Variants in STK32B observed in about 807,000 individuals in gnomAD.
STK32B encodes serine/threonine-protein kinase 32B.
STK32B carries 43 observed loss-of-function variants against 52.6 expected under a neutral mutation model. The observed-to-expected ratio is 0.82, with a 90% CI of 0.64 to 1.05. STK32B has a LOEUF of 1.05. Ranked by LOEUF, STK32B falls within the 50% of genes least tolerant of loss-of-function variation. STK32B has a pLI of 0.00. For synonymous variants in STK32B, 238 were observed against 204.3 expected, an observed-to-expected ratio of 1.17 and a Z score of -1.41; for missense variants, 621 against 534.6, an observed-to-expected ratio of 1.16 and a Z score of -1.59.
At chr4:5,220,026 C>A (rs567941532) in intron 3 of STK32B, among the ~76,000 whole-genome samples, 9 of 152,040 alleles carry the variant, frequency 5.9e-5, no homozygotes, top group African/African-American at 1.9e-4. Context: ...GCTGTGGGCA[C>A]GTTCAATTTT....
chr4:5,341,547 T>C (rs1314816977), intron 4 of STK32B, among the ~76,000 whole-genome samples: 1 of 152,254 alleles, frequency 6.6e-6, no homozygotes, highest in African/African-American at 2.4e-5. Context: ...TCCTAATTGA[T>C]AATGATTTCG....
chr4:5,092,548 A>AAG (rs1001305370), intron 1 of STK32B, among the ~76,000 whole-genome samples: 18 of 152,018 alleles, frequency 1.2e-4, no homozygotes, highest in African/African-American at 4.4e-4. Context: ...AAAAAAAAAA[A>AAG]AAGAAGAAGA....
rs148390494 is a variant in STK32B at position 5,352,332 on chromosome 4, A to G, written c.434+20939A>G. ...TTTAGTACATCACATCAACAAAATT[A>G]AGGAGGAAAAACAAATGATCATCTA... On this transcript the variant is annotated intron_variant, in intron 4 of 11. Coordinates refer to ENST00000282908, the MANE Select transcript of STK32B (RefSeq NM_018401.3). 7.0e-3 allele frequency among the ~76,000 whole-genome samples: 1,069 copies of G among 152,246 alleles called. 8 individuals carry two copies. Among genetic ancestry groups the G allele is most frequent in the African/African-American group, 0.025 (1,020 of 41,552 alleles).
At chr4:5,393,871 T>A (rs530211752) in intron 4 of STK32B, among the ~76,000 whole-genome samples, 2 of 152,192 alleles carry the variant, frequency 1.3e-5, no homozygotes, top group Non-Finnish European at 1.5e-5. Flanking sequence ...GGATCTCAAG[T>A]CTCTCTTCTC....
At chr4:5,433,626 A>G (rs1054437949) in intron 6 of STK32B, among the ~76,000 whole-genome samples, 2 of 152,174 alleles carry the variant, frequency 1.3e-5, no homozygotes, top group African/African-American at 4.8e-5. Context: ...CTAGGCCAAA[A>G]TTTAGTAATT....
intron 5 of STK32B, among the ~76,000 whole-genome samples, chr4:5,412,352 C>A (rs141272995): frequency 5.8e-4 from 89 of 152,354 alleles, no homozygotes; most frequent in African/African-American, 2.1e-3. Flanking sequence ...CCTACATCTT[C>A]GGTTGCCCAT....
intron 5 of STK32B, 111 bp from the exon 6 acceptor site, chr4:5,416,734 A>C: frequency 1.3e-6 from 1 of 766,078 alleles, no homozygotes. Flanking sequence ...AGTATTATAA[A>C]TAGAAGTTCT....
At chr4:5,343,413 G>A (rs372852150) in intron 4 of STK32B, among the ~76,000 whole-genome samples, 5 of 152,178 alleles carry the variant, frequency 3.3e-5, no homozygotes, top group South Asian at 2.1e-4. Flanking sequence ...GTAAACATAC[G>A]TATGCATGTG....
Position 5,372,777 on chromosome 4 carries a change from A to T in STK32B, c.435-25430A>T, listed in dbSNP as rs116950850. 2.6e-5 allele frequency among the ~76,000 whole-genome samples: 4 copies of T among 151,340 alleles called. No individual in the cohort carries two copies. In the East Asian group the frequency reaches 7.8e-4, roughly 30 times the overall value. ...GTCCAGCTCTTCCTTTCTGCCACGC[A>T]TCAGTATTTCTTTCTTGAATTCAGA... On this transcript the variant is annotated intron_variant, in intron 4 of 11. Coordinates refer to ENST00000282908, the MANE Select transcript of STK32B (RefSeq NM_018401.3).
chr4:5,201,128 T>C (rs1029405484), intron 3 of STK32B, among the ~76,000 whole-genome samples: 6 of 152,136 alleles, frequency 3.9e-5, no homozygotes, highest in African/African-American at 1.4e-4. Flanking sequence ...GTTGAATGGG[T>C]CTCTCTTCCT....
At chr4:5,157,311 A>C (rs200554615) in intron 2 of STK32B, among the ~76,000 whole-genome samples, 2 of 151,194 alleles carry the variant, frequency 1.3e-5, no homozygotes, top group East Asian at 2.0e-4. Flanking sequence ...AAAAAAAAAA[A>C]AAAAAAAAAG....
At chr4:5,134,188 C>T (rs1715934692) in intron 1 of STK32B, among the ~76,000 whole-genome samples, 1 of 152,104 alleles carries the variant, frequency 6.6e-6, no homozygotes, top group Non-Finnish European at 1.5e-5. Flanking sequence ...ATTTTTTTGG[C>T]AAATCTTCCA....
chr4:5,259,148 A>T (rs1278363136), intron 3 of STK32B, among the ~76,000 whole-genome samples: 1 of 152,172 alleles, frequency 6.6e-6, no homozygotes, highest in Non-Finnish European at 1.5e-5. Flanking sequence ...ACCCTCAAAA[A>T]TTACCCACAC....
At chr4:5,337,197 C>T (rs368735466) in intron 4 of STK32B, among the ~76,000 whole-genome samples, 2 of 151,692 alleles carry the variant, frequency 1.3e-5, no homozygotes, top group South Asian at 4.2e-4. Flanking sequence ...GCACGTTACC[C>T]GGGGTGGTCT....
intron 1 of STK32B, among the ~76,000 whole-genome samples, chr4:5,067,180 G>C (rs982829773): frequency 2.0e-5 from 3 of 152,176 alleles, no homozygotes; most frequent in South Asian, 2.1e-4. Flanking sequence ...AGTGAAAGGG[G>C]TTTCCCTTAT....
intron 3 of STK32B, among the ~76,000 whole-genome samples, chr4:5,205,317 A>G (rs776810625): frequency 2.0e-5 from 3 of 152,222 alleles, no homozygotes; most frequent in African/African-American, 4.8e-5. Flanking sequence ...CTATGGAGGC[A>G]GTACAATCTC....
At chr4:5,428,433 A>C (rs1713280830) in intron 6 of STK32B, among the ~76,000 whole-genome samples, 1 of 152,066 alleles carries the variant, frequency 6.6e-6, no homozygotes, top group South Asian at 2.1e-4. Flanking sequence ...ACAAACAAAA[A>C]AACATTTTTC....
chr4:5,259,033 G>A (rs1395546850), intron 3 of STK32B, among the ~76,000 whole-genome samples: 4 of 152,110 alleles, frequency 2.6e-5, no homozygotes, highest in African/African-American at 9.7e-5. Flanking sequence ...TTCCTAGAAT[G>A]CTCTGCCCCA....
chr4:5,254,362 A>G (rs182301868), intron 3 of STK32B, among the ~76,000 whole-genome samples: 142 of 151,400 alleles, frequency 9.4e-4, no homozygotes, highest in African/African-American at 3.4e-3. Context: ...TTGATCTTCT[A>G]TATTGTTTAT....
Sources: allele counts gnomAD v4.1 joint callset (sites outside exome capture counted in the v4.1 genomes callset), GRCh38; gene constraint gnomAD v4.1.1; transcripts MANE v1.5; gene names NCBI Gene and HGNC (gene_info 2026-07-23, HGNC 2026-07-21).